Variants in DAB1 observed in about 807,000 individuals in gnomAD.
The protein encoded by DAB1 is disabled homolog 1.
Under a neutral mutation model 64.6 loss-of-function variants are expected in DAB1, and 15 were observed. That is an observed-to-expected ratio of 0.23 (90% CI 0.16 to 0.36). The LOEUF is 0.36. DAB1 is among the 10% of genes least tolerant of loss of function. The pLI is 1.00. For synonymous variants in DAB1, 235 were observed against 251.9 expected, an observed-to-expected ratio of 0.93 and a Z score of 0.64; for missense variants, 596 against 706.7, an observed-to-expected ratio of 0.84 and a Z score of 1.78.
chr1:58,189,859 C>T (rs1278288850), intron 4 of DAB1, among the ~76,000 whole-genome samples: 1 of 152,224 alleles, frequency 6.6e-6, no homozygotes, highest in Non-Finnish European at 1.5e-5. Flanking sequence ...GCACAGGGGT[C>T]CCATGGGCTA....
At chr1:57,886,990 A>G (rs1411333446), upstream of DAB1, among the ~76,000 whole-genome samples, 2 of 152,208 alleles carry the variant, frequency 1.3e-5, no homozygotes, top group African/African-American at 4.8e-5. Context: ...AAGGTTTTCA[A>G]TAGGTGTTCA....
At chr1:57,743,972 G>A (rs1462517496) in intron 6 of DAB1, among the ~76,000 whole-genome samples, 2 of 152,236 alleles carry the variant, frequency 1.3e-5, no homozygotes, top group African/African-American at 2.4e-5. Flanking sequence ...ATTTGTTTGT[G>A]GCTTAAGAAT....
intron 4 of DAB1, among the ~76,000 whole-genome samples, chr1:58,217,451 A>C (rs1557699785): frequency 6.6e-6 from 1 of 152,232 alleles, no homozygotes; most frequent in Non-Finnish European, 1.5e-5. Flanking sequence ...AAGATACGCA[A>C]GTAGGGAGGA....
intron 6 of DAB1, among the ~76,000 whole-genome samples, chr1:57,786,163 T>A (rs1484445655): frequency 6.6e-6 from 1 of 152,186 alleles, no homozygotes; most frequent in Non-Finnish European, 1.5e-5. Flanking sequence ...CACTGTCTTT[T>A]AAAGACATAA....
intron 1 of DAB1, among the ~76,000 whole-genome samples, chr1:58,531,349 T>G (rs1646431010): frequency 6.6e-6 from 1 of 152,212 alleles, no homozygotes; most frequent in Non-Finnish European, 1.5e-5. Flanking sequence ...TGTAAATTTG[T>G]AAGTCTAGTA....
upstream of DAB1, among the ~76,000 whole-genome samples, chr1:57,427,933 C>T (rs540428197): frequency 9.0e-4 from 137 of 152,144 alleles, no homozygotes; most frequent in Middle Eastern, 6.8e-3. Context: ...TTTGGGAGGC[C>T]GGGACAGGTG....
intron 4 of DAB1, among the ~76,000 whole-genome samples, chr1:58,217,182 A>G (rs1251975822): frequency 6.6e-6 from 1 of 152,192 alleles, no homozygotes. Context: ...GCATTTTATG[A>G]GCAAAAAAGA....
At chr1:57,070,914 C>T (rs1651393618) in intron 7 of DAB1, 109 bp downstream of exon 7, 1 of 968,324 alleles carries the variant, frequency 1.0e-6, no homozygotes, top group Non-Finnish European at 1.7e-6. Context: ...TAATCTTGGT[C>T]TCTCTCCAGG....
intron 7 of DAB1, among the ~76,000 whole-genome samples, chr1:57,537,087 G>T (rs542406001): frequency 6.6e-6 from 1 of 152,316 alleles, no homozygotes; most frequent in East Asian, 1.9e-4. Context: ...ATGTTGAAAT[G>T]ATGTCAGATA....
At chr1:58,143,633 G>A (rs766427903) in intron 5 of DAB1, among the ~76,000 whole-genome samples, 3 of 152,152 alleles carry the variant, frequency 2.0e-5, no homozygotes, top group Non-Finnish European at 4.4e-5. Flanking sequence ...TTATTGTATG[G>A]ATTCAATATA....
At chr1:57,135,065 G>A (rs949595236) in intron 4 of DAB1, among the ~76,000 whole-genome samples, 4 of 152,156 alleles carry the variant, frequency 2.6e-5, no homozygotes, top group African/African-American at 9.7e-5. Flanking sequence ...ACTCAATAAT[G>A]CGAGTTACAC....
At chr1:57,283,312 G>C (rs150682906) in intron 2 of DAB1, among the ~76,000 whole-genome samples, 1 of 152,240 alleles carries the variant, frequency 6.6e-6, no homozygotes, top group African/African-American at 2.4e-5. Flanking sequence ...TTTGAAGAGG[G>C]ACAAGTGTCT....
intron 7 of DAB1, among the ~76,000 whole-genome samples, chr1:57,536,369 T>C (rs1487204905): frequency 6.6e-6 from 1 of 152,216 alleles, no homozygotes; most frequent in East Asian, 1.9e-4. Flanking sequence ...CGAATCAGTG[T>C]TATTGTCTTA....
intron 5 of DAB1, among the ~76,000 whole-genome samples, chr1:57,915,792 A>T (rs1483135901): frequency 6.6e-6 from 1 of 152,168 alleles, no homozygotes; most frequent in Admixed American, 6.5e-5. Context: ...TTCCCAATAG[A>T]CTGTGCAAAT....
chr1:57,173,750 G>A (rs66474646), intron 2 of DAB1, among the ~76,000 whole-genome samples: 24,992 of 151,970 alleles, frequency 0.16, 3,003 homozygotes, highest in African/African-American at 0.34. Flanking sequence ...TTTTAGATAT[G>A]GTTTAGATAA....
At chr1:57,295,718 G>T (rs1333230809) in intron 1 of DAB1, among the ~76,000 whole-genome samples, 1 of 152,118 alleles carries the variant, frequency 6.6e-6, no homozygotes, top group East Asian at 1.9e-4. Flanking sequence ...AGAACTGGGT[G>T]GTGATGTGAC....
chr1:57,549,553 C>T (rs1188770430), intron 7 of DAB1, among the ~76,000 whole-genome samples: 2 of 152,062 alleles, frequency 1.3e-5, no homozygotes, highest in South Asian at 4.1e-4. Context: ...CTAGTCAGTC[C>T]CCAGGCAGGC....
chr1:57,167,330 T>C (rs1411283795), intron 2 of DAB1, among the ~76,000 whole-genome samples: 1 of 152,178 alleles, frequency 6.6e-6, no homozygotes, highest in African/African-American at 2.4e-5. Flanking sequence ...CTTTCTTCCA[T>C]CTCACTCTTT....
chr1:58,025,265 G>A (rs1051829179), intron 5 of DAB1, among the ~76,000 whole-genome samples: 1 of 151,964 alleles, frequency 6.6e-6, no homozygotes, highest in Non-Finnish European at 1.5e-5. Context: ...GTGGTCATTA[G>A]AATCAGCTGG....
Sources: allele counts gnomAD v4.1 joint callset (sites outside exome capture counted in the v4.1 genomes callset), GRCh38; gene constraint gnomAD v4.1.1; transcripts MANE v1.5; gene names NCBI Gene and HGNC (gene_info 2026-07-23, HGNC 2026-07-21).